CNTNAP3B: variants seen among roughly 807,000 people sequenced by gnomAD.
CNTNAP3B encodes contactin-associated protein-like 3B.
Under a neutral mutation model 108.9 loss-of-function variants are expected in CNTNAP3B, and 25 were observed. The ratio of observed to expected loss-of-function variants is 0.23; its 90% CI spans 0.17 to 0.32. The LOEUF (loss-of-function observed/expected upper bound fraction) is 0.32, where lower values mean the gene tolerates loss of function less well. Among genes scored for constraint, CNTNAP3B ranks in the 10% least tolerant of loss-of-function variants. The pLI is 1.00. For missense variants in CNTNAP3B, 252 were observed against 1,210.4 expected (o/e 0.21, Z 11.75); for synonymous variants, 103 against 473.4 (o/e 0.22, Z 10.16).
In CNTNAP3B at chr9:41,919,588, G is replaced by T. The variant is rs1453604876; in HGVS notation, c.2995+482C>A. Among the ~76,000 whole-genome samples the T allele has an allele frequency of 3.7e-4, 57 of 152,376 alleles. No individual in the cohort carries two copies. In the South Asian group the frequency reaches 0.011, roughly 30 times the overall value. On this transcript the variant is annotated intron_variant, in intron 18 of 23. Coordinates refer to ENST00000377561, the MANE Select transcript of CNTNAP3B (RefSeq NM_001201380.3). ...TTAGTATGCTTGTTTTATAAGAAAA[G>T]ACATTTCTATAAAGGCCTTTTGAAT...
chr9:41,947,266 G>A (rs1368335197), intron 13 of CNTNAP3B, among the ~76,000 whole-genome samples: 142 of 151,982 alleles, frequency 9.3e-4, no homozygotes, highest in Admixed American at 2.0e-3. Flanking sequence ...ATCCCTGGGA[G>A]CCAAACAAAC....
intron 1 of CNTNAP3B, among the ~76,000 whole-genome samples, chr9:42,117,898 C>T (rs554674770): frequency 7.2e-6 from 1 of 139,648 alleles, no homozygotes; most frequent in East Asian, 2.2e-4. Context: ...ACTATAACAC[C>T]TCTACACAAA....
At chr9:41,934,384 A>T (rs1467627343) in intron 14 of CNTNAP3B, among the ~76,000 whole-genome samples, 1 of 152,196 alleles carries the variant, frequency 6.6e-6, no homozygotes, top group Non-Finnish European at 1.5e-5. Context: ...ATGCCTGGCT[A>T]ATATTTTTTG....
At chr9:41,966,350 T>G (rs879352334) in intron 10 of CNTNAP3B, among the ~76,000 whole-genome samples, 3 of 152,290 alleles carry the variant, frequency 2.0e-5, no homozygotes, top group Admixed American at 2.0e-4. Context: ...ACTATTTAAG[T>G]GATCTAGAGA....
intron 15 of CNTNAP3B, among the ~76,000 whole-genome samples, chr9:41,924,660 C>CATATAT (rs1248222177): frequency 6.8e-6 from 1 of 148,016 alleles, no homozygotes. Flanking sequence ...CACACACACA[C>CATATAT]ACACACACAC....
intron 13 of CNTNAP3B, among the ~76,000 whole-genome samples, chr9:41,952,472 G>A (rs1331978501): frequency 6.6e-6 from 1 of 152,270 alleles, no homozygotes; most frequent in Non-Finnish European, 1.5e-5. Context: ...GTGCTTTCAA[G>A]AAACTATATG....
chr9:42,071,219 G>A (rs1673719325), intron 3 of CNTNAP3B, among the ~76,000 whole-genome samples: 1 of 146,334 alleles, frequency 6.8e-6, no homozygotes, highest in Admixed American at 6.8e-5. Flanking sequence ...GGAGGGCAGT[G>A]GGAGCTGTGT....
intron 13 of CNTNAP3B, among the ~76,000 whole-genome samples, chr9:41,941,146 A>T (rs1307602363): frequency 1.3e-5 from 2 of 151,168 alleles, no homozygotes; most frequent in East Asian, 3.9e-4. Context: ...GAGTGAAGAT[A>T]TTTAAGTTGA....
At chr9:41,919,173 C>T (rs1228632127) in intron 18 of CNTNAP3B, among the ~76,000 whole-genome samples, 2 of 151,974 alleles carry the variant, frequency 1.3e-5, no homozygotes, top group African/African-American at 2.4e-5. Context: ...CTCACTCTGT[C>T]GCCCAGGAGT....
intron 17 of CNTNAP3B, 67 bp downstream of exon 17, chr9:41,922,610 G>A (rs1409604866): frequency 6.3e-7 from 1 of 1,588,736 alleles, no homozygotes; most frequent in African/African-American, 1.3e-5. Flanking sequence ...GTACATCACA[G>A]TTCTTATTTT....
At position 42,123,734 on chromosome 9, in the gene CNTNAP3B, T is replaced by A. The variant is rs1183970135; in HGVS notation, c.85+5276A>T. On this transcript the variant is annotated intron_variant, in intron 1 of 23. Transcript: ENST00000377561. ...TAAACTTTTTTCCACGGGATTTAGT[T>A]ACAAAATAAGTTAAGGAACTACAAG... 3.6e-5 allele frequency among the ~76,000 whole-genome samples: 5 copies of A among 138,454 alleles called. 1 individual carries two copies. Among genetic ancestry groups the A allele is most frequent in the Middle Eastern group, 3.6e-3 (1 of 280 alleles). The allele number at this position is 138,454 out of a possible 152,430, so 90.8% of individuals were successfully genotyped here.
chr9:42,124,504 G>A (rs1285642655), intron 1 of CNTNAP3B, among the ~76,000 whole-genome samples: 2 of 134,328 alleles, frequency 1.5e-5, no homozygotes, highest in Non-Finnish European at 3.1e-5. Context: ...AAGTGGAAAA[G>A]GAATATTTTT....
intron 11 of CNTNAP3B, among the ~76,000 whole-genome samples, chr9:41,964,229 C>T (rs1181475569): frequency 6.6e-6 from 1 of 152,024 alleles, no homozygotes; most frequent in African/African-American, 2.4e-5. Context: ...ATGGAACAAG[C>T]TGTTAACATC....
chr9:41,973,294 A>AG (rs936879336), intron 9 of CNTNAP3B, among the ~76,000 whole-genome samples: 6 of 140,826 alleles, frequency 4.3e-5, no homozygotes, highest in Non-Finnish European at 6.2e-5. Context: ...TTAGAAAAAA[A>AG]AAAACTAAAA....
At chr9:42,097,398 T>C (rs1487339722) in intron 2 of CNTNAP3B, among the ~76,000 whole-genome samples, 2 of 139,866 alleles carry the variant, frequency 1.4e-5, no homozygotes, top group Non-Finnish European at 3.1e-5. Flanking sequence ...AAAGATGCTT[T>C]TTATATTTGT....
At chr9:41,967,016 G>C (rs1587158781) in intron 10 of CNTNAP3B, among the ~76,000 whole-genome samples, 2 of 150,188 alleles carry the variant, frequency 1.3e-5, no homozygotes, top group African/African-American at 5.0e-5. Flanking sequence ...TCCATTATTT[G>C]TGACTCTGTC....
At chr9:41,926,883 G>A (rs1244491836) in intron 15 of CNTNAP3B, 67 of 152,492 alleles carry the variant, frequency 4.4e-4, no homozygotes, top group African/African-American at 1.6e-3. Flanking sequence ...TTTCCAGAGA[G>A]AAAATAATCT....
At chr9:42,026,680 TA>T (rs1826416481) in intron 3 of CNTNAP3B, among the ~76,000 whole-genome samples, 1 of 114,138 alleles carries the variant, frequency 8.8e-6, no homozygotes, top group African/African-American at 3.6e-5. Flanking sequence ...TAGAGTGAAA[TA>T]ACCCTTCTAA....
At chr9:41,980,806 G>A (rs1417096192) in intron 9 of CNTNAP3B, 1 of 138,956 alleles carries the variant, frequency 7.2e-6, no homozygotes, top group Admixed American at 7.2e-5. Flanking sequence ...GGCAAAAGAT[G>A]TGAAGCATTC....
Sources: allele counts gnomAD v4.1 joint callset (sites outside exome capture counted in the v4.1 genomes callset), GRCh38; gene constraint gnomAD v4.1.1; transcripts MANE v1.5; gene names NCBI Gene and HGNC (gene_info 2026-07-23, HGNC 2026-07-21).